Variants in DENND2B observed in about 807,000 individuals in gnomAD.
DENND2B encodes the protein DENN domain-containing protein 2B.
DENND2B carries 32 observed loss-of-function variants against 116.0 expected under a neutral mutation model. The ratio of observed to expected loss-of-function variants is 0.28; its 90% CI spans 0.21 to 0.37. The LOEUF is 0.37. Among genes scored for constraint, DENND2B ranks in the 10% least tolerant of loss-of-function variants. The pLI is 1.00. For synonymous variants in DENND2B, 588 were observed against 583.9 expected (o/e 1.01, Z -0.10); for missense variants, 1,276 against 1,477.7 (o/e 0.86, Z 2.24).
intron 1 of DENND2B, among the ~76,000 whole-genome samples, chr11:8,801,806 G>A (rs2060360808): frequency 6.6e-6 from 1 of 151,094 alleles, no homozygotes; most frequent in East Asian, 1.9e-4. Context: ...TTCGAGACCA[G>A]CCTGGGCAAC....
chr11:8,785,700 G>A (rs1368654533), intron 1 of DENND2B: 1 of 152,278 alleles, frequency 6.6e-6, no homozygotes, highest in Non-Finnish European at 1.5e-5. Flanking sequence ...TGACAGAGAA[G>A]AGAAGGGAGG....
At chr11:8,841,078 C>T (rs1298610772) in intron 3 of DENND2B, among the ~76,000 whole-genome samples, 1 of 152,148 alleles carries the variant, frequency 6.6e-6, no homozygotes, top group Non-Finnish European at 1.5e-5. Flanking sequence ...GAAACTTACG[C>T]TGTCATTTTC....
chr11:8,795,688 T>C (rs2059753751), intron 1 of DENND2B, among the ~76,000 whole-genome samples: 1 of 152,200 alleles, frequency 6.6e-6, no homozygotes, highest in Non-Finnish European at 1.5e-5. Flanking sequence ...TTCCATCTTC[T>C]ACATGGTCTC....
Position 8,717,845 on chromosome 11 carries a change from G to T in DENND2B, c.1525C>A (p.Arg509=). Residue 509 remains arginine (R), a synonymous_variant, in exon 5 of 20, where the codon CGA becomes AGA. Coordinates refer to ENST00000313726, the MANE Select transcript of DENND2B (RefSeq NM_213618.2). ...NPYEDVDLKS[R]RAGRKSQQLS... is the part of the protein sequence containing the mutation. ...TGCTGGGATTTTCGTCCTGCTCTTC[G>T]GCTCTTTAAGTCCACATCCTCATAT... 6.2e-7 allele frequency: 1 copy of T among 1,613,186 alleles called. No homozygotes were observed. The highest frequency in any genetic ancestry group is 8.5e-7 in the Non-Finnish European group (1 of 1,179,506).
intron 4 of DENND2B, among the ~76,000 whole-genome samples, chr11:8,825,463 T>C (rs537455574): frequency 4.3e-4 from 65 of 152,310 alleles, no homozygotes; most frequent in African/African-American, 1.5e-3. Flanking sequence ...TTGAATTCTA[T>C]TTGCTAGTAT....
At position 8,717,889 on chromosome 11, in the gene DENND2B, TCTC is replaced by T. The variant is rs1565704736; in HGVS notation, c.1478_1480del (p.Gly493del). ...CTCATATGGATTCTCCTTGGGCAGA[TCTC>T]CTGCAGAGGAGGAAGAGTTAGAGAA... On this transcript the variant is annotated inframe_deletion and splice_region_variant, in exon 5 of 20. Transcript: ENST00000313726. 1.2e-6 allele frequency: 2 copies of T among 1,608,130 alleles called. No homozygotes were observed. Among genetic ancestry groups the T allele is most frequent in the South Asian group, 1.1e-5 (1 of 90,772 alleles).
chr11:8,761,343 C>A (rs1290812727), intron 1 of DENND2B, among the ~76,000 whole-genome samples: 2 of 152,182 alleles, frequency 1.3e-5, no homozygotes, highest in Non-Finnish European at 2.9e-5. Flanking sequence ...CTTGTCACCA[C>A]TTGGAAAAAG....
chr11:8,846,413 T>G (rs532322552), intron 3 of DENND2B, among the ~76,000 whole-genome samples: 1 of 152,178 alleles, frequency 6.6e-6, no homozygotes, highest in African/African-American at 2.4e-5. Context: ...GAGGACAGTA[T>G]CATCCGAACC....
intron 4 of DENND2B, among the ~76,000 whole-genome samples, chr11:8,725,824 T>C (rs1182955223): frequency 6.6e-6 from 1 of 152,174 alleles, no homozygotes; most frequent in Non-Finnish European, 1.5e-5. Flanking sequence ...AAAGGAATGA[T>C]GTTGTTTTCT....
intron 1 of DENND2B, among the ~76,000 whole-genome samples, chr11:8,754,626 G>C (rs72858268): frequency 0.013 from 2,010 of 152,294 alleles, 27 homozygotes; most frequent in Non-Finnish European, 0.022. Flanking sequence ...GTACATAAAT[G>C]TTCATAACAG....
chr11:8,797,263 A>AC (rs1422501605), intron 1 of DENND2B, among the ~76,000 whole-genome samples: 1 of 152,230 alleles, frequency 6.6e-6, no homozygotes, highest in Non-Finnish European at 1.5e-5. Context: ...AGAACAGAGT[A>AC]AACATTACAC....
chr11:8,844,523 A>G (rs898282180), intron 3 of DENND2B, among the ~76,000 whole-genome samples: 1 of 152,188 alleles, frequency 6.6e-6, no homozygotes, highest in Admixed American at 6.5e-5. Context: ...CATCTATTTA[A>G]AAGAACATAC....
chr11:8,805,857 G>A (rs988535060), intron 1 of DENND2B, among the ~76,000 whole-genome samples: 3 of 152,172 alleles, frequency 2.0e-5, no homozygotes, highest in South Asian at 2.1e-4. Flanking sequence ...CAGACACTCC[G>A]TATTCACTGA....
intron 2 of DENND2B, among the ~76,000 whole-genome samples, chr11:8,864,124 T>G (rs1280498608): frequency 6.6e-6 from 1 of 152,032 alleles, no homozygotes; most frequent in Non-Finnish European, 1.5e-5. Context: ...AGAAAATATA[T>G]CCCCACATGA....
At chr11:8,699,935 T>G (rs770109396) in intron 14 of DENND2B, 6 of 456,148 alleles carry the variant, frequency 1.3e-5, no homozygotes, top group African/African-American at 1.2e-4. Context: ...TTGGCAGAAC[T>G]TGAATACCCG....
intron 1 of DENND2B, among the ~76,000 whole-genome samples, chr11:8,756,858 T>A (rs982337620): frequency 2.0e-5 from 3 of 152,222 alleles, no homozygotes; most frequent in Non-Finnish European, 4.4e-5. Context: ...TCAAGCATGA[T>A]GAGAGGCTTC....
rs2061596182 is a variant in DENND2B, at chr11:8,817,115, AGAGGACTAAGGCTCCTGCT to A, written c.-114-5799_-114-5781del. 2.0e-5 allele frequency among the ~76,000 whole-genome samples: 3 copies of A among 152,210 alleles called. No individual in the cohort carries two copies. In the South Asian group the frequency reaches 6.2e-4, roughly 32 times the overall value. The stretch of plus-strand genomic sequence containing the variant: ...TGGGGAAATTAGGAAATGGCCTGGA[AGAGGACTAAGGCTCCTGCT>A]GAGGTCCTTGCTCAGACTCACCCCT... On this transcript the variant is annotated intron_variant, in intron 4 of 6. Transcript: ENST00000524757.
intron 3 of DENND2B, among the ~76,000 whole-genome samples, chr11:8,843,129 G>T (rs2062683220): frequency 6.6e-6 from 1 of 152,046 alleles, no homozygotes; most frequent in African/African-American, 2.4e-5. Context: ...CAATTCTCCT[G>T]CCTCAGCCTC....
chr11:8,843,022 C>CT, intron 3 of DENND2B, among the ~76,000 whole-genome samples: 1 of 138,566 alleles, frequency 7.2e-6, no homozygotes, highest in African/African-American at 2.6e-5. Flanking sequence ...CTTCTTTTCT[C>CT]TCTTTTTTTT....
Sources: gnomAD v4.1 joint callset for allele counts (sites outside exome capture counted in the v4.1 genomes callset) on GRCh38, gnomAD v4.1.1 for gene constraint, MANE v1.5 for transcripts, NCBI Gene and HGNC (gene_info 2026-07-23, HGNC 2026-07-21) for gene names.